Variants in SNX17 observed in about 807,000 individuals in gnomAD.
SNX17 encodes sorting nexin-17.
In SNX17, 35 loss-of-function variants were observed where a neutral mutation model predicts 64.3. The observed-to-expected ratio is 0.54, with a 90% CI of 0.42 to 0.72. SNX17 has a LOEUF of 0.72. Ranked by LOEUF, SNX17 falls within the 30% of genes least tolerant of loss-of-function variation. The probability of loss-of-function intolerance (pLI) is 0.00; values close to 1 mark genes in which losing one functional copy is unlikely to be tolerated. For synonymous variants in SNX17, 259 were observed against 230.2 expected (o/e 1.13, Z -1.13); for missense variants, 538 against 610.0 (o/e 0.88, Z 1.24).
chr2:27,377,411 TG>T lies in SNX17; in HGVS notation c.*695del. On this transcript the variant is annotated 3_prime_UTR_variant, in exon 15 of 15. Coordinates refer to ENST00000233575, the MANE Select transcript of SNX17 (RefSeq NM_014748.4). This position sits in a 1 kb window ranked among gnomAD's most constrained non-coding sequence, Gnocchi z 4.4. ...TCAAGGCAAGGTCCCCTGGTCCATA[TG>T]GGCCCCCCCGCCCATGGGGTTGGGC... 1 of 984,912 alleles carries T rather than the reference TG, an allele frequency of 1.0e-6. No individual in the cohort carries two copies. The highest frequency in any genetic ancestry group is 1.6e-6 in the Non-Finnish European group (1 of 641,276). 61.0% of individuals were successfully genotyped at this position (984,912 alleles called of 1,614,324 possible).
rs1378528909 is a variant in SNX17 at position 27,370,724 on chromosome 2, C to T, written c.-20C>T. The T allele has an allele frequency of 9.7e-6, 15 of 1,543,708 alleles. No individual in the cohort carries two copies. The highest frequency in any genetic ancestry group is 1.3e-5 in the Non-Finnish European group (15 of 1,142,734). On this transcript the variant is annotated 5_prime_UTR_variant, in exon 1 of 15. Coordinates refer to ENST00000233575, the MANE Select transcript of SNX17 (RefSeq NM_014748.4). ...CGGCCCTCACAGTCCGGAGCCCGGC[C>T]GTGCCGTGCCGTAGGGAACATGCAC...
In SNX17 at chr2:27,376,152, T is replaced by C; in HGVS notation, c.1151T>C (p.Met384Thr). 2 of 1,614,042 alleles carry C rather than the reference T, an allele frequency of 1.2e-6. No homozygotes were observed. Among genetic ancestry groups the C allele is most frequent in the Non-Finnish European group, 1.7e-6 (2 of 1,180,014 alleles). Reference protein sequence around the residue: ...ICLQSMVDELMVKKSGGSIRK... With the variant: ...ICLQSMVDELTVKKSGGSIRK... ...TTGCAGTCCATGGTTGATGAACTGATGGTGAAGAAATCTGGCGGCAGTATC... is the reference window on the plus strand; with the variant it reads ...TTGCAGTCCATGGTTGATGAACTGACGGTGAAGAAATCTGGCGGCAGTATC... Residue 384 changes from methionine to threonine, a missense_variant, in exon 12 of 15, where the codon ATG becomes ACG. Transcript: ENST00000233575.
intron 12 of SNX17, 30 bp from the exon 13 acceptor site, chr2:27,376,283 C>T: frequency 1.2e-6 from 2 of 1,611,732 alleles, no homozygotes; most frequent in Non-Finnish European, 1.7e-6. Context: ...AGTGATCCTG[C>T]CCTCACCGGC....
chr2:27,377,417 C>G lies in SNX17; in HGVS notation c.*698C>G. On this transcript the variant is annotated 3_prime_UTR_variant, in exon 15 of 15. Coordinates refer to ENST00000233575, the MANE Select transcript of SNX17 (RefSeq NM_014748.4). The surrounding 1 kb of genome is among the most constrained non-coding windows in gnomAD (Gnocchi z 4.4). Reference sequence around the variant, plus strand: ...CAAGGTCCCCTGGTCCATATGGGCCCCCCCGCCCATGGGGTTGGGCTGGTC... The same window carrying G: ...CAAGGTCCCCTGGTCCATATGGGCCGCCCCGCCCATGGGGTTGGGCTGGTC... The G allele has an allele frequency of 9.6e-7, 1 of 1,041,080 alleles. No homozygotes were observed. Among genetic ancestry groups the G allele is most frequent in the Non-Finnish European group, 1.4e-6 (1 of 691,388 alleles). The allele number at this position is 1,041,080 out of a possible 1,614,324, so 64.5% of individuals were successfully genotyped here.
rs370771753 is a variant in SNX17, at chr2:27,371,361, G to A, written c.138+18G>A. The A allele has an allele frequency of 6.2e-7, 1 of 1,604,260 alleles. No individual in the cohort carries two copies. The highest frequency in any genetic ancestry group is 1.3e-5 in the African/African-American group (1 of 74,512). On this transcript the variant is annotated intron_variant, in intron 2 of 14. Coordinates refer to ENST00000233575, the MANE Select transcript of SNX17 (RefSeq NM_014748.4). Reference sequence around the variant, plus strand: ...ACGAGCAGGTGGGACTAGCACCCCTGCCTTGAGACAGCTTCAAGCCCTTCC... The same window carrying A: ...ACGAGCAGGTGGGACTAGCACCCCTACCTTGAGACAGCTTCAAGCCCTTCC...
chr2:27,376,418 C>T (rs771056560), intron 13 of SNX17, 31 bp downstream of exon 13: 2 of 1,613,898 alleles, frequency 1.2e-6, no homozygotes, highest in East Asian at 2.2e-5. Context: ...AGAACCCTGG[C>T]TCTCAGCCCT....
chr2:27,372,536 A>C, intron 2 of SNX17, 87 bp from the exon 3 acceptor site: 2 of 1,594,962 alleles, frequency 1.3e-6, no homozygotes, highest in Admixed American at 3.4e-5. Context: ...AGGGAGGGGC[A>C]CCCAAGAGAA....
chr2:27,371,835 T>A (rs1682607299), intron 2 of SNX17, among the ~76,000 whole-genome samples: 1 of 152,254 alleles, frequency 6.6e-6, no homozygotes, highest in African/African-American at 2.4e-5. Flanking sequence ...AAACTCTATT[T>A]AACTCAGTAG....
Position 27,374,235 on chromosome 2 carries a change from C to T in SNX17, c.523+60C>T, listed in dbSNP as rs373711022. 2.2e-4 allele frequency: 348 copies of T among 1,548,994 alleles called. 8 individuals are homozygous for T. In the South Asian group the frequency reaches 3.8e-3, roughly 17 times the overall value. On this transcript the variant is annotated intron_variant, in intron 6 of 14. Transcript: ENST00000233575. Reference sequence around the variant, plus strand: ...TACTTCAGTAGAGTTTGCAGCCCCCCTAACTCCCCACCCCCACCCCCAGAA... The same window carrying T: ...TACTTCAGTAGAGTTTGCAGCCCCCTTAACTCCCCACCCCCACCCCCAGAA...
chr2:27,375,866 C>T lies in SNX17; in HGVS notation c.999C>T (p.Ser333=), dbSNP rs903797548. 5.6e-6 allele frequency: 9 copies of T among 1,614,112 alleles called. No homozygotes were observed. The highest frequency in any genetic ancestry group is 4.2e-6 in the Non-Finnish European group (5 of 1,180,010). ...CCCAGGTACCATTGCCCAGTGGAAG[C>T]ACGAGCAGCCCAGGCCGGGGCCGGG... ...VTSSVPLPSG[S]TSSPGRGRGE... The change falls in exon 11 of 15, where the codon AGC becomes AGT. Residue 333 remains serine (S), a synonymous_variant. Coordinates refer to ENST00000233575, the MANE Select transcript of SNX17 (RefSeq NM_014748.4). This position sits in a 1 kb window ranked among gnomAD's most constrained non-coding sequence, Gnocchi z 4.1.
intron 4 of SNX17, chr2:27,373,582 C>T (rs1324381583): frequency 3.7e-6 from 2 of 537,292 alleles, no homozygotes; most frequent in South Asian, 2.1e-5. Context: ...TGGCTGGTCT[C>T]GAACTCCTGA....
At position 27,374,353 on chromosome 2, in the gene SNX17, G is replaced by A; in HGVS notation, c.531G>A (p.Arg177=). Residue 177 remains arginine (R), a synonymous_variant, in exon 7 of 15, where the codon CGG becomes CGA. Coordinates refer to ENST00000233575, the MANE Select transcript of SNX17 (RefSeq NM_014748.4). ...TTTTTTTTTAACCTGTAGTTGTACGGAAGTTGCAAGAGTTTGAGCTGCCTT... is the reference window on the plus strand; with the variant it reads ...TTTTTTTTTAACCTGTAGTTGTACGAAAGTTGCAAGAGTTTGAGCTGCCTT... ...EKEDGAFSFV[R]KLQEFELPYV... 1 of 1,612,846 alleles carries A rather than the reference G, an allele frequency of 6.2e-7. No individual in the cohort carries two copies. The highest frequency in any genetic ancestry group is 8.5e-7 in the Non-Finnish European group (1 of 1,179,502).
In SNX17 at chr2:27,376,360, G is replaced by C. The variant is rs530833588; in HGVS notation, c.1230G>C (p.Gln410His). ...VGGTLRRSDS[Q>H]QAVKSPPLLE... ...GTACTCTGAGACGCTCAGACAGCCA[G>C]CAAGCAGTGAAGTCCCCACCACTGC... The change falls in exon 13 of 15, where the codon CAG (glutamine) becomes CAC (histidine). Residue 410 changes from glutamine (Q) to histidine (H), a missense_variant. Gln to His is a conservative substitution (Grantham distance 24, BLOSUM62 0). Coordinates refer to ENST00000233575, the MANE Select transcript of SNX17 (RefSeq NM_014748.4). 2 of 1,612,742 alleles carry C rather than the reference G, an allele frequency of 1.2e-6. No individual in the cohort carries two copies. The highest frequency in any genetic ancestry group is 2.7e-5 in the African/African-American group (2 of 74,878).
intron 8 of SNX17, 42 bp downstream of exon 8, chr2:27,374,800 T>A (rs1237330048): frequency 1.3e-6 from 2 of 1,578,718 alleles, no homozygotes; most frequent in African/African-American, 1.3e-5. Flanking sequence ...CTGAAGAAAA[T>A]AACGGGTGAC....
chr2:27,372,732 T>C lies in SNX17; in HGVS notation c.248T>C (p.Met83Thr). Residue 83 changes from methionine to threonine, a missense_variant, in exon 3 of 15, where the codon ATG becomes ACG. Met to Thr is a moderately conservative substitution (Grantham distance 81). Around this residue, in one of 3 missense-constraint regions of SNX17, gnomAD observed 505 missense variants for 550.4 expected, o/e 0.92. Transcript: ENST00000233575. ...AGGAGAGAGCAGTTAGAGAAGTACA[T>C]GCAAGCTGGTGAGTGGTTGCAGGAA... ...EQRREQLEKY[M>T]QAVRQDPLLG... 4 of 1,614,184 alleles carry C rather than the reference T, an allele frequency of 2.5e-6. No individual in the cohort carries two copies. The highest frequency in any genetic ancestry group is 3.4e-6 in the Non-Finnish European group (4 of 1,180,020).
intron 1 of SNX17, 49 bp from the exon 2 acceptor site, chr2:27,371,220 G>A (rs780294814): frequency 4.1e-5 from 64 of 1,561,350 alleles, no homozygotes; most frequent in Admixed American, 1.7e-4. Flanking sequence ...TCTCAGGGGG[G>A]TTGCGCAGAC....
In SNX17 at chr2:27,376,904, T is replaced by C. The variant is rs1683307668; in HGVS notation, c.*185T>C. ...TCCCCTGGGCTGGCTGCACAGAGGATTGCCCCTTCTCTTTTCAGAGCTGGC... is the reference window on the plus strand; with the variant it reads ...TCCCCTGGGCTGGCTGCACAGAGGACTGCCCCTTCTCTTTTCAGAGCTGGC... On this transcript the variant is annotated 3_prime_UTR_variant, in exon 15 of 15. Transcript: ENST00000233575. 1 of 601,706 alleles carries C rather than the reference T, an allele frequency of 1.7e-6. No individual in the cohort carries two copies. The highest frequency in any genetic ancestry group is 2.9e-6 in the Non-Finnish European group (1 of 339,418). 37.3% of individuals were successfully genotyped at this position (601,706 alleles called of 1,614,324 possible). A position where few individuals can be genotyped will look rare whatever the true frequency, so the allele number is the denominator to read the frequency against.
In SNX17 at chr2:27,371,559, T is replaced by G. The variant is rs1682550404; in HGVS notation, c.138+216T>G. The G allele has an allele frequency of 1.6e-5, 16 of 1,013,102 alleles. No individual in the cohort carries two copies. The South Asian group carries it at 3.6e-4, about 23-fold the overall frequency. 62.8% of individuals were successfully genotyped at this position (1,013,102 alleles called of 1,614,324 possible). ...ACAACTGCTCCTTCCTGTTCTTATA[T>G]TCTGGTTTTCTGTCCAGTCTTACTG... On this transcript the variant is annotated intron_variant, in intron 2 of 14. Coordinates refer to ENST00000233575, the MANE Select transcript of SNX17 (RefSeq NM_014748.4).
chr2:27,371,157 C>T (rs1333407377), intron 1 of SNX17, 112 bp from the exon 2 acceptor site: 3 of 958,962 alleles, frequency 3.1e-6, no homozygotes, highest in Non-Finnish European at 4.9e-6. Flanking sequence ...AACTATCCCT[C>T]GGGAGATTAG....
Sources: allele counts gnomAD v4.1 joint callset (sites outside exome capture counted in the v4.1 genomes callset), GRCh38; gene constraint gnomAD v4.1.1; regional missense constraint gnomAD v4.1.1; non-coding constraint Gnocchi (gnomAD v3.1); transcripts MANE v1.5; gene names NCBI Gene and HGNC (gene_info 2026-07-23, HGNC 2026-07-21).